The following BCAR3 variants were observed in gnomAD, a reference collection of about 807,000 sequenced individuals.
BCAR3 encodes BCAR3 adaptor protein, NSP family member.
BCAR3 carries 37 observed loss-of-function variants against 80.1 expected under a neutral mutation model. The ratio of observed to expected loss-of-function variants is 0.46; its 90% confidence interval spans 0.36 to 0.61. The LOEUF is 0.61. Among genes scored for constraint, BCAR3 ranks in the 20% least tolerant of loss-of-function variants. The pLI is 0.00. For missense variants in BCAR3, 978 were observed against 1,068.2 expected, an observed-to-expected ratio of 0.92 and a Z score of 1.18; for synonymous variants, 389 against 418.9, an observed-to-expected ratio of 0.93 and a Z score of 0.87.
At chr1:93,575,868 G>C in intron 8 of BCAR3, 146 bp downstream of exon 8, 2 of 626,092 alleles carry the variant, frequency 3.2e-6, no homozygotes, top group African/African-American at 1.8e-5. Flanking sequence ...CAGGCTTCTG[G>C]GAAGAGTCGC....
At chr1:93,773,702 C>G (rs1351326228) in intron 2 of BCAR3, among the ~76,000 whole-genome samples, 1 of 152,220 alleles carries the variant, frequency 6.6e-6, no homozygotes, top group African/African-American at 2.4e-5. Context: ...GTCCAAAGCT[C>G]TGTCCCAGCC....
intron 11 of BCAR3, among the ~76,000 whole-genome samples, chr1:93,566,305 T>G (rs1672949279): frequency 6.6e-6 from 1 of 152,122 alleles, no homozygotes. Flanking sequence ...CCTTTAACAA[T>G]CAATGCAGTG....
chr1:93,649,519 G>T (rs1483680449), intron 2 of BCAR3, among the ~76,000 whole-genome samples: 1 of 149,624 alleles, frequency 6.7e-6, no homozygotes, highest in Non-Finnish European at 1.5e-5. Context: ...AAAAAAGATT[G>T]TTTCAGCTTT....
intron 2 of BCAR3, among the ~76,000 whole-genome samples, chr1:93,735,643 A>T (rs1321303567): frequency 2.0e-5 from 3 of 152,198 alleles, no homozygotes; most frequent in Non-Finnish European, 2.9e-5. Context: ...ATTTTGAAAA[A>T]TACATATAGT....
intron 3 of BCAR3, among the ~76,000 whole-genome samples, chr1:93,607,551 C>T (rs946625175): frequency 6.6e-6 from 1 of 151,828 alleles, no homozygotes; most frequent in Non-Finnish European, 1.5e-5. Context: ...ACATAGAGTC[C>T]AACGCCCAAG....
At chr1:93,779,326 G>C (rs11164987) in intron 2 of BCAR3, among the ~76,000 whole-genome samples, 20,554 of 152,144 alleles carry the variant, frequency 0.14, 2,183 homozygotes, top group African/African-American at 0.28. Context: ...GAGCTGTGTT[G>C]TATGCCAGGC....
At chr1:93,661,193 C>T (rs1301474607) in intron 2 of BCAR3, among the ~76,000 whole-genome samples, 1 of 152,198 alleles carries the variant, frequency 6.6e-6, no homozygotes, top group Non-Finnish European at 1.5e-5. Flanking sequence ...GGATGCGCCA[C>T]CACGCCCTGC....
chr1:93,739,732 A>C (rs747307957), intron 2 of BCAR3, among the ~76,000 whole-genome samples: 3 of 152,226 alleles, frequency 2.0e-5, no homozygotes, highest in Non-Finnish European at 4.4e-5. Flanking sequence ...AAATGAGTAC[A>C]GTACATGGAA....
At chr1:93,664,279 C>T (rs1268593542) in intron 2 of BCAR3, among the ~76,000 whole-genome samples, 1 of 152,162 alleles carries the variant, frequency 6.6e-6, no homozygotes, top group East Asian at 1.9e-4. Context: ...ACCACCACGC[C>T]CAGCTAATTT....
At chr1:93,617,041 C>T (rs1208000033) in intron 3 of BCAR3, among the ~76,000 whole-genome samples, 5 of 152,220 alleles carry the variant, frequency 3.3e-5, no homozygotes, top group Admixed American at 2.6e-4. Context: ...AGGAAGACCC[C>T]TGCATAAGCA....
intron 2 of BCAR3, among the ~76,000 whole-genome samples, chr1:93,827,288 C>T (rs1211241627): frequency 6.6e-6 from 1 of 152,034 alleles, no homozygotes; most frequent in Non-Finnish European, 1.5e-5. Flanking sequence ...GGCACAGGGA[C>T]AAGTTTGTAA....
intron 7 of BCAR3, among the ~76,000 whole-genome samples, chr1:93,581,098 G>C (rs1339732270): frequency 1.3e-5 from 2 of 152,026 alleles, no homozygotes; most frequent in African/African-American, 2.4e-5. Context: ...GGAGGCAAAG[G>C]CTGCCATGAG....
intron 2 of BCAR3, among the ~76,000 whole-genome samples, chr1:93,719,341 T>TTG (rs1370950144): frequency 2.3e-5 from 3 of 129,346 alleles, no homozygotes; most frequent in Non-Finnish European, 4.9e-5. Flanking sequence ...CTTGTTTTTT[T>TTG]TTTTTTTTTT....
chr1:93,745,532 T>C (rs1450732981), intron 2 of BCAR3, among the ~76,000 whole-genome samples: 1 of 152,148 alleles, frequency 6.6e-6, no homozygotes, highest in African/African-American at 2.4e-5. Context: ...ATTTTTCTTC[T>C]CCTCAATGAA....
intron 9 of BCAR3, among the ~76,000 whole-genome samples, chr1:93,570,137 C>A (rs998125491): frequency 4.6e-5 from 7 of 152,142 alleles, no homozygotes; most frequent in African/African-American, 1.2e-4. Flanking sequence ...TTAGAATTGA[C>A]CCCCCACAAA....
chr1:93,648,410 A>G (rs1676213570), intron 2 of BCAR3, among the ~76,000 whole-genome samples: 1 of 152,214 alleles, frequency 6.6e-6, no homozygotes, highest in Non-Finnish European at 1.5e-5. Flanking sequence ...ATTAAAAATG[A>G]AAAGGGATGG....
At chr1:93,765,982 T>C (rs1652133413) in intron 2 of BCAR3, among the ~76,000 whole-genome samples, 1 of 152,124 alleles carries the variant, frequency 6.6e-6, no homozygotes, top group Non-Finnish European at 1.5e-5. Flanking sequence ...TTTAAGTATA[T>C]AATATAGCAT....
Position 93,592,577 on chromosome 1 carries a change from A to G in BCAR3, c.358-184T>C. On this transcript the variant is annotated intron_variant, in intron 3 of 11. Coordinates refer to ENST00000260502, the MANE Select transcript of BCAR3 (RefSeq NM_003567.4). The surrounding 1 kb of genome is among the most constrained non-coding windows in gnomAD (Gnocchi z 4.8). ...GTTTCTCCGGCCGCAACCATGTAAT[A>G]AAATTTTCACCTGCACATGGGGACT... 1 of 757,396 alleles carries G rather than the reference A, an allele frequency of 1.3e-6. No individual in the cohort carries two copies. Among genetic ancestry groups the G allele is most frequent in the Non-Finnish European group, 2.0e-6 (1 of 499,812 alleles). 46.9% of individuals were successfully genotyped at this position (757,396 alleles called of 1,614,324 possible).
chr1:93,782,674 C>T (rs11164989), intron 2 of BCAR3, among the ~76,000 whole-genome samples: 20,531 of 152,198 alleles, frequency 0.13, 2,174 homozygotes, highest in African/African-American at 0.28. Flanking sequence ...AGAGGAACTC[C>T]AGGTCTTGCC....
Sources: allele counts gnomAD v4.1 joint callset (sites outside exome capture counted in the v4.1 genomes callset), GRCh38; gene constraint gnomAD v4.1.1; non-coding constraint Gnocchi (gnomAD v3.1); transcripts MANE v1.5; gene names NCBI Gene and HGNC (gene_info 2026-07-23, HGNC 2026-07-21).